Variants in SVIL observed in about 807,000 individuals in gnomAD.
SVIL encodes supervillin, also known as archvillin.
Under a neutral mutation model 240.4 loss-of-function variants are expected in SVIL, and 101 were observed. That is an observed-to-expected ratio of 0.42 (90% CI 0.36 to 0.50). The LOEUF (loss-of-function observed/expected upper bound fraction) is 0.50. Among genes scored for constraint, SVIL ranks in the 20% least tolerant of loss-of-function variants. The pLI is 0.01. For missense variants in SVIL, 2,512 were observed against 2,818.7 expected (o/e 0.89, Z 2.46); for synonymous variants, 999 against 1,100.0 (o/e 0.91, Z 1.82).
upstream of SVIL, among the ~76,000 whole-genome samples, chr10:29,736,408 C>G (rs1455111155): frequency 6.6e-6 from 1 of 152,224 alleles, no homozygotes; most frequent in Admixed American, 6.5e-5. Context: ...GGCTAGCCCC[C>G]GCTGCAGCCC....
chr10:29,467,971 TTTA>T, intron 32 of SVIL, 96 bp from the exon 33 acceptor site: 2 of 1,286,074 alleles, frequency 1.6e-6, no homozygotes, highest in South Asian at 1.4e-5. Context: ...TTATAATAGC[TTTA>T]TTGAGATATA....
intron 2 of SVIL, among the ~76,000 whole-genome samples, chr10:29,683,839 G>A (rs1960854334): frequency 6.6e-6 from 1 of 152,044 alleles, no homozygotes; most frequent in African/African-American, 2.4e-5. Flanking sequence ...GAACCCCTCT[G>A]TGCTGCACTT....
chr10:29,502,620 G>A (rs761667433), intron 17 of SVIL, among the ~76,000 whole-genome samples: 40 of 152,060 alleles, frequency 2.6e-4, no homozygotes, highest in Non-Finnish European at 4.9e-4. Context: ...GTGGGGAAAG[G>A]CAGAAAAAGA....
At chr10:29,677,551 G>A (rs7084071) in intron 2 of SVIL, among the ~76,000 whole-genome samples, 1 of 152,108 alleles carries the variant, frequency 6.6e-6, no homozygotes, top group Non-Finnish European at 1.5e-5. Context: ...AGCCTCCTAA[G>A]TAGCTGGGAC....
At chr10:29,698,858 A>G (rs1477463331) in intron 1 of SVIL, among the ~76,000 whole-genome samples, 1 of 152,244 alleles carries the variant, frequency 6.6e-6, no homozygotes, top group African/African-American at 2.4e-5. Context: ...AGCTCTTTTC[A>G]GAATCAAGAT....
intron 3 of SVIL, among the ~76,000 whole-genome samples, chr10:29,642,258 G>C (rs142209329): frequency 7.6e-4 from 116 of 152,100 alleles, no homozygotes; most frequent in African/African-American, 2.6e-3. Flanking sequence ...AATTAGTCAG[G>C]TATGGTGGCT....
intron 18 of SVIL, among the ~76,000 whole-genome samples, chr10:29,497,934 T>C (rs1041259655): frequency 4.0e-5 from 6 of 150,780 alleles, no homozygotes; most frequent in African/African-American, 1.5e-4. Flanking sequence ...ATACAAAAAT[T>C]AGCTGGGCAT....
At chr10:29,704,788 A>G (rs1467912371) in intron 1 of SVIL, among the ~76,000 whole-genome samples, 3 of 151,944 alleles carry the variant, frequency 2.0e-5, no homozygotes, top group Non-Finnish European at 4.4e-5. Flanking sequence ...CTAGCGGACA[A>G]CTCAGAGTGA....
intron 1 of SVIL, among the ~76,000 whole-genome samples, chr10:29,608,704 G>A (rs1464689603): frequency 6.6e-6 from 1 of 152,258 alleles, no homozygotes; most frequent in Non-Finnish European, 1.5e-5. Flanking sequence ...GGAGGCTGGG[G>A]GCATTGAGGG....
intron 21 of SVIL, among the ~76,000 whole-genome samples, chr10:29,492,852 G>A (rs1948098722): frequency 6.6e-6 from 1 of 152,206 alleles, no homozygotes; most frequent in Non-Finnish European, 1.5e-5. Context: ...AATTCAATAT[G>A]TCAAATGAAA....
chr10:29,616,706 G>A (rs1957439702), intron 1 of SVIL, among the ~76,000 whole-genome samples: 1 of 152,156 alleles, frequency 6.6e-6, no homozygotes, highest in Non-Finnish European at 1.5e-5. Flanking sequence ...CCTGTACCAG[G>A]AAGGGGAAGT....
chr10:29,495,713 T>C (rs1948389530), intron 18 of SVIL, among the ~76,000 whole-genome samples: 1 of 151,982 alleles, frequency 6.6e-6, no homozygotes, highest in Non-Finnish European at 1.5e-5. Context: ...CGACTGTGCG[T>C]GTTGGAAGTC....
intron 1 of SVIL, among the ~76,000 whole-genome samples, chr10:29,631,200 T>A (rs913347735): frequency 1.3e-5 from 2 of 152,234 alleles, no homozygotes; most frequent in African/African-American, 4.8e-5. Context: ...GGCTTTTGCA[T>A]GTAAGCAGTG....
At chr10:29,682,781 T>C (rs1233555005) in intron 2 of SVIL, among the ~76,000 whole-genome samples, 1 of 152,182 alleles carries the variant, frequency 6.6e-6, no homozygotes, top group African/African-American at 2.4e-5. Context: ...ATTCAGATGT[T>C]CTCAAAAAAC....
intron 3 of SVIL, among the ~76,000 whole-genome samples, chr10:29,557,098 C>A (rs1954001791): frequency 6.6e-6 from 1 of 151,884 alleles, no homozygotes; most frequent in Non-Finnish European, 1.5e-5. Context: ...CTTTTCTCCC[C>A]CCTCCCTTTC....
chr10:29,517,520 C>T (rs1950291395), intron 16 of SVIL, among the ~76,000 whole-genome samples: 2 of 152,198 alleles, frequency 1.3e-5, no homozygotes, highest in Admixed American at 6.5e-5. Flanking sequence ...ATCTGGGGCC[C>T]TCTAGTGGCT....
chr10:29,480,497 A>T (rs758810723), intron 29 of SVIL, 40 bp downstream of exon 29: 1 of 1,603,646 alleles, frequency 6.2e-7, no homozygotes, highest in Non-Finnish European at 8.5e-7. Context: ...CTGCCGGGCC[A>T]GCCTCTTTCA....
chr10:29,491,482 C>G (rs2132401524), intron 21 of SVIL, among the ~76,000 whole-genome samples: 1 of 152,326 alleles, frequency 6.6e-6, no homozygotes. Flanking sequence ...AACTTTCTCC[C>G]TATGCAATAG....
At chr10:29,566,936 A>C (rs1955022387) in intron 2 of SVIL, among the ~76,000 whole-genome samples, 1 of 152,216 alleles carries the variant, frequency 6.6e-6, no homozygotes, top group Non-Finnish European at 1.5e-5. Context: ...CTCAACCAAA[A>C]GTAAGAGCCT....
Sources: gnomAD v4.1 joint callset for allele counts (sites outside exome capture counted in the v4.1 genomes callset) on GRCh38, gnomAD v4.1.1 for gene constraint, MANE v1.5 for transcripts, NCBI Gene and HGNC (gene_info 2026-07-23, HGNC 2026-07-21) for gene names.